NOTCH4: variants seen among roughly 807,000 people sequenced by gnomAD.
NOTCH4 encodes the protein notch receptor 4.
In NOTCH4, 138 loss-of-function variants were observed where a neutral mutation model predicts 189.0. That is an observed-to-expected ratio of 0.73 (90% confidence interval 0.64 to 0.84). The LOEUF (loss-of-function observed/expected upper bound fraction) is 0.84. NOTCH4 is among the 40% of genes least tolerant of loss of function. The pLI is 0.00. For synonymous variants in NOTCH4, 942 were observed against 1,032.8 expected (o/e 0.91, Z 1.69); for missense variants, 2,286 against 2,605.4 (o/e 0.88, Z 2.67).
intron 8 of NOTCH4, among the ~76,000 whole-genome samples, chr6:32,219,221 T>C (rs1287066186): frequency 6.6e-6 from 1 of 152,200 alleles, no homozygotes; most frequent in Non-Finnish European, 1.5e-5. Context: ...AGAGTTTCTA[T>C]AATCAGAGGG....
Position 32,201,048 on chromosome 6 carries a change from G to C in NOTCH4, c.4140-42C>G, listed in dbSNP as rs776907901. On this transcript the variant is annotated intron_variant, in intron 22 of 29. Transcript: ENST00000375023. This position sits in a 1 kb window ranked among gnomAD's most constrained non-coding sequence, Gnocchi z 5.5. ...TCAGAGACCTCTGTATTGGTCCCTG[G>C]CTCCCTTTCCTCCCTCTGCCCTCTT... The C allele has an allele frequency of 8.3e-6, 13 of 1,560,088 alleles. No homozygotes were observed. The highest frequency in any genetic ancestry group is 2.5e-5 in the South Asian group (2 of 81,500).
chr6:32,221,874 A>T lies in NOTCH4; in HGVS notation c.452-549T>A, dbSNP rs1320502531. Among the ~76,000 whole-genome samples, 1 of 152,144 alleles carries T rather than the reference A, an allele frequency of 6.6e-6. No individual in the cohort carries two copies. Among genetic ancestry groups the T allele is most frequent in the East Asian group, 1.9e-4 (1 of 5,198 alleles). On this transcript the variant is annotated intron_variant, in intron 3 of 29. Transcript: ENST00000375023. The surrounding 1 kb of genome is among the most constrained non-coding windows in gnomAD (Gnocchi z 4.3). ...CTCAGCAACCTTATGAAGTGTGACC[A>T]TTACTCTCCCTGTTTGTCAGCTGAC...
Position 32,212,469 on chromosome 6 carries a change from G to T in NOTCH4, c.2680+5C>A, listed in dbSNP as rs2127477072. The T allele has an allele frequency of 6.2e-7, 1 of 1,601,630 alleles. No individual in the cohort carries two copies. The highest frequency in any genetic ancestry group is 8.5e-7 in the Non-Finnish European group (1 of 1,174,266). ...TGCTCTCCAGTCAGTGCCGGCGTTG[G>T]TTACCTTGGCTCAGTGCAGCCTTCT... On this transcript the variant is annotated splice_donor_5th_base_variant and intron_variant, in intron 17 of 29. Transcript: ENST00000375023. This position sits in a 1 kb window ranked among gnomAD's most constrained non-coding sequence, Gnocchi z 4.4.
At position 32,202,842 on chromosome 6, in the gene NOTCH4, T is replaced by G. The variant is rs1270274909; in HGVS notation, c.3232-243A>C. ...AGCACAGCTGTGTGCAACAACCTGA[T>G]GGACTGTGGCATTACAGTGCAAGTC... On this transcript the variant is annotated intron_variant, in intron 20 of 29. Transcript: ENST00000375023. The surrounding 1 kb of genome is among the most constrained non-coding windows in gnomAD (Gnocchi z 5.7). 6.6e-6 allele frequency: 3 copies of G among 453,288 alleles called. No individual in the cohort carries two copies. The highest frequency in any genetic ancestry group is 1.2e-5 in the Non-Finnish European group (3 of 255,078). 28.1% of individuals were successfully genotyped at this position (453,288 alleles called of 1,614,324 possible).
At chr6:32,209,177 A>T (rs1788866462) in intron 18 of NOTCH4, among the ~76,000 whole-genome samples, 1 of 152,212 alleles carries the variant, frequency 6.6e-6, no homozygotes, top group Non-Finnish European at 1.5e-5. Context: ...CATGTCTCTC[A>T]CCTTCACCTT....
Position 32,212,833 on chromosome 6 carries a change from G to A in NOTCH4, c.2517C>T (p.Gly839=), listed in dbSNP as rs757133358. ...RCLCPTGYTG[G]SCQTLMDLCA... is the part of the protein sequence containing the mutation. ...CTTCAATGGCCCTCACCTGGCAGCT[G>A]CCTCCGGTGTAGCCAGTGGGGCAGA... The change falls in exon 16 of 30, where the codon GGC becomes GGT. Residue 839 remains glycine, a synonymous_variant. Transcript: ENST00000375023. This position sits in a 1 kb window ranked among gnomAD's most constrained non-coding sequence, Gnocchi z 4.4. 8 of 1,537,598 alleles carry A rather than the reference G, an allele frequency of 5.2e-6. No homozygotes were observed. The highest frequency in any genetic ancestry group is 3.7e-5 in the South Asian group (3 of 82,068).
At chr6:32,216,819 C>A (rs1353226335) in intron 11 of NOTCH4, 126 bp downstream of exon 11, 1 of 1,202,256 alleles carries the variant, frequency 8.3e-7, no homozygotes, top group South Asian at 1.2e-5. Context: ...CACTAAATAA[C>A]TTTAAAGGAT....
Position 32,195,530 on chromosome 6 carries a change from A to C in NOTCH4, c.5919T>G (p.Thr1973=). The change falls in exon 30 of 30, where the codon ACT becomes ACG. Residue 1973 remains threonine (T), a synonymous_variant. Transcript: ENST00000375023. This position sits in a 1 kb window ranked among gnomAD's most constrained non-coding sequence, Gnocchi z 5.4. ...GAGGTGATCCCCGCTCCGGGGACGGAGTAAGGCAAGGAGGCGGGATCGGAA... is the reference window on the plus strand; with the variant it reads ...GAGGTGATCCCCGCTCCGGGGACGGCGTAAGGCAAGGAGGCGGGATCGGAA... ...SNIPIPPPCL[T]PSPERGSPQL... is the part of the protein sequence containing the mutation. The C allele has an allele frequency of 6.2e-7, 1 of 1,613,074 alleles. No homozygotes were observed. Among genetic ancestry groups the C allele is most frequent in the Non-Finnish European group, 8.5e-7 (1 of 1,180,022 alleles).
rs2127477580 is a variant in NOTCH4 at position 32,212,608 on chromosome 6, G to A, written c.2546C>T (p.Ala849Val). ...GSCQTLMDLCAQKPCPRNSHC... is the reference protein window; with the variant it reads ...GSCQTLMDLCVQKPCPRNSHC... ...GGAATTGCGTGGGCAGGGCTTCTGG[G>A]CACATAAGTCCATCAGAGTCTGAGG... The change falls in exon 17 of 30, where the codon GCC becomes GTC. Residue 849 changes from alanine to valine, a missense_variant. Coordinates refer to ENST00000375023, the MANE Select transcript of NOTCH4 (RefSeq NM_004557.4). The surrounding 1 kb of genome is among the most constrained non-coding windows in gnomAD (Gnocchi z 4.4). The A allele has an allele frequency of 6.2e-7, 1 of 1,612,146 alleles. No individual in the cohort carries two copies. The highest frequency in any genetic ancestry group is 8.5e-7 in the Non-Finnish European group (1 of 1,179,452).
rs1258633917 is a variant in NOTCH4 at position 32,201,069 on chromosome 6, C to T, written c.4139+48G>A. On this transcript the variant is annotated intron_variant, in intron 22 of 29. Transcript: ENST00000375023. This position sits in a 1 kb window ranked among gnomAD's most constrained non-coding sequence, Gnocchi z 5.5. ...CCTGGCTCCCTTTCCTCCCTCTGCC[C>T]TCTTAAAAAAACTGGTGTCTGGCCC... The T allele has an allele frequency of 4.5e-6, 7 of 1,572,940 alleles. No homozygotes were observed. The African/African-American group carries it at 8.1e-5, about 18-fold the overall frequency.
chr6:32,200,878 G>T lies in NOTCH4; in HGVS notation c.4268C>A (p.Pro1423His), dbSNP rs906986766. 2.2e-5 allele frequency: 35 copies of T among 1,608,914 alleles called. No individual in the cohort carries two copies. Among genetic ancestry groups the T allele is most frequent in the Non-Finnish European group, 3.0e-5 (35 of 1,178,142 alleles). Residue 1423 changes from proline to histidine, a missense_variant, in exon 23 of 30, where the codon CCC (proline) becomes CAC (histidine). By Grantham distance (77) the Pro-to-His change is moderately conservative. Around this residue, in one of 2 missense-constraint regions of NOTCH4, gnomAD observed 1,903 missense variants for 2,261.9 expected, o/e 0.84. Coordinates refer to ENST00000375023, the MANE Select transcript of NOTCH4 (RefSeq NM_004557.4). The surrounding 1 kb of genome is among the most constrained non-coding windows in gnomAD (Gnocchi z 5.0). ...AGCCAGCAGTGGTCCAGGCAGCAGG[G>T]GCTCCAGGGCTCCCACTGCAGCCAT... ...AAMAAVGALEPLLPGPLLAVH... is the reference protein window; with the variant it reads ...AAMAAVGALEHLLPGPLLAVH...
In NOTCH4 at chr6:32,220,655, G is replaced by A. The variant is rs779188122; in HGVS notation, c.923-14C>T. On this transcript the variant is annotated splice_polypyrimidine_tract_variant and intron_variant, in intron 5 of 29. Coordinates refer to ENST00000375023, the MANE Select transcript of NOTCH4 (RefSeq NM_004557.4). ...AGCAGTCCCAGCCTGCAGGGGGTTGGGGAGGGGACGAGGGCTAAGGCTGGG... is the reference window on the plus strand; with the variant it reads ...AGCAGTCCCAGCCTGCAGGGGGTTGAGGAGGGGACGAGGGCTAAGGCTGGG... 2.5e-5 allele frequency: 41 copies of A among 1,613,146 alleles called. No individual in the cohort carries two copies. The highest frequency in any genetic ancestry group is 3.5e-5 in the Non-Finnish European group (41 of 1,179,190).
rs1291988322 is a variant in NOTCH4 at position 32,202,482 on chromosome 6, G to T, written c.3349C>A (p.Leu1117Ile). 6.2e-7 allele frequency: 1 copy of T among 1,612,594 alleles called. No individual in the cohort carries two copies. Among genetic ancestry groups the T allele is most frequent in the Non-Finnish European group, 8.5e-7 (1 of 1,179,808 alleles). ...KPGFPPRCAC[L>I]SGYGGPDCLT... ...CAGTCAGGACCCCCATAGCCACTGA[G>T]GCAGGCACAGCGTGGTGGGAAGCCT... Residue 1117 changes from leucine to isoleucine, a missense_variant, in exon 21 of 30, where the codon CTC becomes ATC. By Grantham distance (5) the Leu-to-Ile change is conservative. Coordinates refer to ENST00000375023, the MANE Select transcript of NOTCH4 (RefSeq NM_004557.4). This position sits in a 1 kb window ranked among gnomAD's most constrained non-coding sequence, Gnocchi z 5.7.
At position 32,202,317 on chromosome 6, in the gene NOTCH4, T is replaced by G. The variant is rs1788403779; in HGVS notation, c.3514A>C (p.Lys1172Gln). The change falls in exon 21 of 30, where the codon AAA becomes CAA. Residue 1172 changes from lysine (K) to glutamine (Q), a missense_variant. This residue lies in a region of NOTCH4 where 1,903 missense variants were observed against 2,261.9 expected (regional missense o/e 0.84). Transcript: ENST00000375023. This position sits in a 1 kb window ranked among gnomAD's most constrained non-coding sequence, Gnocchi z 5.7. ...PHSSPGPRCQ[K>Q]PGAKGCEGRS... ...CCCTCACACCCCTTGGCTCCGGGTT[T>G]CTGACACCGGGGCCCTGGAGAGCTG... 2 of 1,612,610 alleles carry G rather than the reference T, an allele frequency of 1.2e-6. No individual in the cohort carries two copies. Among genetic ancestry groups the G allele is most frequent in the Non-Finnish European group, 1.7e-6 (2 of 1,179,676 alleles).
rs868132234 is a variant in NOTCH4, at chr6:32,201,890, T to C, written c.3755+186A>G. 5 of 482,412 alleles carry C rather than the reference T, an allele frequency of 1.0e-5. No individual in the cohort carries two copies. In the Middle Eastern group the frequency reaches 1.3e-3, roughly 122 times the overall value. The allele number at this position is 482,412 out of a possible 1,614,324, so 29.9% of individuals were successfully genotyped here. A position where few individuals can be genotyped will look rare whatever the true frequency, so the allele number is the denominator to read the frequency against. On this transcript the variant is annotated intron_variant, in intron 21 of 29. Coordinates refer to ENST00000375023, the MANE Select transcript of NOTCH4 (RefSeq NM_004557.4). The surrounding 1 kb of genome is among the most constrained non-coding windows in gnomAD (Gnocchi z 5.5). The stretch of plus-strand genomic sequence containing the variant: ...AAAGGCCACGCCCCACATTAAATAC[T>C]GATGCCACCCCATTACCCTAGGTTG...
rs891268086 is a variant in NOTCH4, at chr6:32,210,025, G to A, written c.2865+727C>T. The stretch of plus-strand genomic sequence containing the variant: ...GTTGTGGTTCTGAGCATATGAATCA[G>A]GCTGCTTAGACTTGAATGCCAGCTT... On this transcript the variant is annotated intron_variant, in intron 18 of 29. Coordinates refer to ENST00000375023, the MANE Select transcript of NOTCH4 (RefSeq NM_004557.4). The surrounding 1 kb of genome is among the most constrained non-coding windows in gnomAD (Gnocchi z 4.8). Among the ~76,000 whole-genome samples, 3 of 152,136 alleles carry A rather than the reference G, an allele frequency of 2.0e-5. No individual in the cohort carries two copies. Among genetic ancestry groups the A allele is most frequent in the Non-Finnish European group, 4.4e-5 (3 of 68,034 alleles).
chr6:32,196,105 C>T lies in NOTCH4; in HGVS notation c.5344G>A (p.Val1782Ile), dbSNP rs2127459169. 2 of 1,592,072 alleles carry T rather than the reference C, an allele frequency of 1.3e-6. No homozygotes were observed. The highest frequency in any genetic ancestry group is 1.7e-6 in the Non-Finnish European group (2 of 1,176,436). The change falls in exon 30 of 30, where the codon GTA becomes ATA. Residue 1782 changes from valine (V) to isoleucine (I), a missense_variant. Transcript: ENST00000375023. ...FLAAREGAVE[V>I]AQLLLGLGAA... ...CCCAGCCCCAGCAGTAGCTGGGCTA[C>T]TTCCACCGCTCCTTCCCGCGCCGCC... is the stretch of plus-strand genomic sequence containing the variant.
chr6:32,211,212 A>G (rs1201329509), intron 17 of NOTCH4, among the ~76,000 whole-genome samples: 2 of 151,646 alleles, frequency 1.3e-5, no homozygotes, highest in Non-Finnish European at 2.9e-5. Context: ...GTGAGCCAAA[A>G]TCGTGCCATT....
In NOTCH4 at chr6:32,200,883, C is replaced by T; in HGVS notation, c.4263G>A (p.Leu1421=). 6.2e-7 allele frequency: 1 copy of T among 1,609,332 alleles called. No homozygotes were observed. Among genetic ancestry groups the T allele is most frequent in the Non-Finnish European group, 8.5e-7 (1 of 1,178,348 alleles). Residue 1421 remains leucine (L), a synonymous_variant, in exon 23 of 30, where the codon CTG becomes CTA. Coordinates refer to ENST00000375023, the MANE Select transcript of NOTCH4 (RefSeq NM_004557.4). This position sits in a 1 kb window ranked among gnomAD's most constrained non-coding sequence, Gnocchi z 5.0. ...GCAGTGGTCCAGGCAGCAGGGGCTCCAGGGCTCCCACTGCAGCCATCGCAG... is the reference window on the plus strand; with the variant it reads ...GCAGTGGTCCAGGCAGCAGGGGCTCTAGGGCTCCCACTGCAGCCATCGCAG... ...FLAAMAAVGA[L]EPLLPGPLLA...
Sources: allele counts gnomAD v4.1 joint callset (sites outside exome capture counted in the v4.1 genomes callset), GRCh38; gene constraint gnomAD v4.1.1; regional missense constraint gnomAD v4.1.1; non-coding constraint Gnocchi (gnomAD v3.1); transcripts MANE v1.5; gene names NCBI Gene and HGNC (gene_info 2026-07-23, HGNC 2026-07-21).